The following KCNH8 variants were observed in gnomAD, a reference collection of about 807,000 sequenced individuals.
The protein encoded by KCNH8 is potassium voltage-gated channel subfamily H member 8.
KCNH8 carries 70 observed loss-of-function variants against 103.6 expected under a neutral mutation model. The ratio of observed to expected loss-of-function variants is 0.68; its 90% confidence interval spans 0.56 to 0.82. The LOEUF (loss-of-function observed/expected upper bound fraction) is 0.82, where lower values mean the gene tolerates loss of function less well. Among genes scored for constraint, KCNH8 ranks in the 40% least tolerant of loss-of-function variants. The pLI, the probability that KCNH8 is intolerant of heterozygous loss-of-function variation, is 0.00. For missense variants in KCNH8, 1,217 were observed against 1,329.9 expected (o/e 0.92, Z 1.32); for synonymous variants, 498 against 489.4 (o/e 1.02, Z -0.23).
intron 1 of KCNH8, among the ~76,000 whole-genome samples, chr3:19,234,789 A>G (rs1002125812): frequency 6.6e-6 from 1 of 152,244 alleles, no homozygotes; most frequent in African/African-American, 2.4e-5. Flanking sequence ...GAGCACTGCC[A>G]GCACGCTGTC....
intron 1 of KCNH8, among the ~76,000 whole-genome samples, chr3:19,156,098 T>C (rs1192836739): frequency 6.6e-6 from 1 of 152,190 alleles, no homozygotes; most frequent in Admixed American, 6.5e-5. Context: ...TGGACTGCCT[T>C]CCAGCCTCTT....
rs546272414 is a variant in KCNH8, at chr3:19,367,971, T to A, written c.811+20006T>A. Among the ~76,000 whole-genome samples, 10 of 152,108 alleles carry A rather than the reference T, an allele frequency of 6.6e-5. No individual in the cohort carries two copies. The South Asian group carries it at 2.1e-3, about 32-fold the overall frequency. Reference sequence around the variant, plus strand: ...CTAAATGCTAGGTGTTAGGATATCATCCTTTCCTGGATAACAACCCTAAAA... The same window carrying A: ...CTAAATGCTAGGTGTTAGGATATCAACCTTTCCTGGATAACAACCCTAAAA... On this transcript the variant is annotated intron_variant, in intron 5 of 15. Transcript: ENST00000328405.
At chr3:19,327,596 C>T (rs2065441599) in intron 3 of KCNH8, among the ~76,000 whole-genome samples, 1 of 152,156 alleles carries the variant, frequency 6.6e-6, no homozygotes, top group East Asian at 1.9e-4. Context: ...GGCCCCATGG[C>T]CATAATTATA....
intron 2 of KCNH8, among the ~76,000 whole-genome samples, chr3:19,264,775 G>C (rs945869057): frequency 6.6e-6 from 1 of 152,102 alleles, no homozygotes; most frequent in Non-Finnish European, 1.5e-5. Flanking sequence ...TGCCTGTGTT[G>C]TTGCTTCAAT....
At chr3:19,160,238 A>G (rs1329635408) in intron 1 of KCNH8, among the ~76,000 whole-genome samples, 1 of 152,188 alleles carries the variant, frequency 6.6e-6, no homozygotes, top group Non-Finnish European at 1.5e-5. Flanking sequence ...ATTATGATTC[A>G]TTCTGCAGAA....
chr3:19,490,260 C>T (rs982816223), intron 11 of KCNH8, among the ~76,000 whole-genome samples: 1 of 152,184 alleles, frequency 6.6e-6, no homozygotes, highest in African/African-American at 2.4e-5. Context: ...AGACAAGAAC[C>T]GCTCAGACAC....
intron 1 of KCNH8, among the ~76,000 whole-genome samples, chr3:19,183,070 T>C (rs1239406318): frequency 1.3e-5 from 2 of 152,214 alleles, no homozygotes; most frequent in East Asian, 3.8e-4. Flanking sequence ...ATCTAAAATG[T>C]ACAGTTAATA....
At chr3:19,523,892 C>A (rs1293248188) in intron 15 of KCNH8, among the ~76,000 whole-genome samples, 1 of 151,792 alleles carries the variant, frequency 6.6e-6, no homozygotes, top group East Asian at 1.9e-4. Flanking sequence ...AAAATACCAG[C>A]AATGAAAGGC....
At chr3:19,256,795 T>C (rs939771599) in intron 2 of KCNH8, among the ~76,000 whole-genome samples, 1 of 152,086 alleles carries the variant, frequency 6.6e-6, no homozygotes, top group African/African-American at 2.4e-5. Flanking sequence ...GTAGAAATCA[T>C]TAAAGGCACC....
At chr3:19,373,327 G>T (rs1002041508) in intron 5 of KCNH8, among the ~76,000 whole-genome samples, 11 of 151,966 alleles carry the variant, frequency 7.2e-5, no homozygotes, top group African/African-American at 2.7e-4. Flanking sequence ...GCTTCTTCCT[G>T]GTTTAGTGTT....
intron 1 of KCNH8, among the ~76,000 whole-genome samples, chr3:19,225,644 C>T (rs2063922420): frequency 6.6e-6 from 1 of 152,126 alleles, no homozygotes; most frequent in South Asian, 2.1e-4. Context: ...TTGACTCACT[C>T]CATGACTTGT....
intron 1 of KCNH8, among the ~76,000 whole-genome samples, chr3:19,216,660 G>A (rs982685644): frequency 2.6e-5 from 4 of 152,134 alleles, no homozygotes; most frequent in African/African-American, 9.7e-5. Context: ...AGTCCCTTTT[G>A]TGTAACTTCC....
chr3:19,210,910 A>G (rs2063764826), intron 1 of KCNH8, among the ~76,000 whole-genome samples: 1 of 152,146 alleles, frequency 6.6e-6, no homozygotes, highest in Non-Finnish European at 1.5e-5. Flanking sequence ...CCTTCTTCAC[A>G]TCCATATGAA....
At chr3:19,342,428 A>G (rs2065672832) in intron 3 of KCNH8, among the ~76,000 whole-genome samples, 159 bp from the exon 4 acceptor site, 1 of 152,176 alleles carries the variant, frequency 6.6e-6, no homozygotes, top group Admixed American at 6.6e-5. Context: ...TATAAATCAT[A>G]AAGGACTAAA....
chr3:19,365,830 A>G, intron 5 of KCNH8, among the ~76,000 whole-genome samples: 1 of 152,114 alleles, frequency 6.6e-6, no homozygotes, highest in Middle Eastern at 3.2e-3. Context: ...ATTTTAAATC[A>G]GTGGCCACGC....
intron 7 of KCNH8, among the ~76,000 whole-genome samples, chr3:19,432,901 A>C (rs918207737): frequency 6.6e-6 from 1 of 152,158 alleles, no homozygotes; most frequent in African/African-American, 2.4e-5. Flanking sequence ...CTGGAAACAG[A>C]TGGCCTGTTC....
chr3:19,236,336 G>A (rs1033111509), intron 1 of KCNH8, among the ~76,000 whole-genome samples: 13 of 152,142 alleles, frequency 8.5e-5, no homozygotes, highest in Admixed American at 6.5e-4. Flanking sequence ...CAAAAATGTG[G>A]ACAGTCATTA....
chr3:19,278,285 T>C (rs1394610153), intron 2 of KCNH8, among the ~76,000 whole-genome samples: 1 of 152,006 alleles, frequency 6.6e-6, no homozygotes, highest in African/African-American at 2.4e-5. Flanking sequence ...ATGCAGTTGG[T>C]ATATGCTTTG....
Position 19,197,466 on chromosome 3 carries a change from G to A in KCNH8, c.76+48671G>A, listed in dbSNP as rs567606380. Among the ~76,000 whole-genome samples the A allele has an allele frequency of 5.3e-5, 8 of 152,152 alleles. No individual in the cohort carries two copies. The East Asian group carries it at 1.4e-3, about 26-fold the overall frequency. ...TGTTGCCTCCTCTAAAAGTTAGCACGTGTCTGTTTAGACATTTAGCAGTTA... is the reference window on the plus strand; with the variant it reads ...TGTTGCCTCCTCTAAAAGTTAGCACATGTCTGTTTAGACATTTAGCAGTTA... On this transcript the variant is annotated intron_variant, in intron 1 of 15. Transcript: ENST00000328405.
Sources: gnomAD v4.1 joint callset for allele counts (sites outside exome capture counted in the v4.1 genomes callset) on GRCh38, gnomAD v4.1.1 for gene constraint, MANE v1.5 for transcripts, NCBI Gene and HGNC (gene_info 2026-07-23, HGNC 2026-07-21) for gene names.